The following SPOCK1 variants were observed in gnomAD, a reference collection of about 807,000 sequenced individuals.
The protein encoded by SPOCK1 is SPARC (osteonectin), cwcv and kazal like domains proteoglycan 1, also known as testican-1.
SPOCK1 carries 23 observed loss-of-function variants against 55.3 expected under a neutral mutation model. That is an observed-to-expected ratio of 0.42 (90% confidence interval 0.30 to 0.59). SPOCK1 has a LOEUF of 0.59. Ranked by LOEUF, SPOCK1 falls within the 20% of genes least tolerant of loss-of-function variation. The pLI is 0.22. For missense variants in SPOCK1, 499 were observed against 552.5 expected (o/e 0.90, Z 0.97); for synonymous variants, 226 against 221.0 (o/e 1.02, Z -0.20).
intron 3 of SPOCK1, among the ~76,000 whole-genome samples, chr5:137,236,036 G>T (rs1756173975): frequency 6.6e-6 from 1 of 152,240 alleles, no homozygotes; most frequent in South Asian, 2.1e-4. Context: ...CCCTCCCAGG[G>T]CGGTGGGGCT....
At chr5:137,356,838 T>TATAGAGAGAGAGAGAGAGAG (rs1554077335) in intron 2 of SPOCK1, among the ~76,000 whole-genome samples, 5 of 5,460 alleles carry the variant, frequency 9.2e-4, no homozygotes, top group African/African-American at 2.5e-3. Flanking sequence ...TATATATATA[T>TATAGAGAGAGAGAGAGAGAG]AGAGAGAGAG....
intron 9 of SPOCK1, among the ~76,000 whole-genome samples, chr5:136,980,671 CCT>C (rs936464685): frequency 2.0e-5 from 3 of 152,148 alleles, no homozygotes. Context: ...GTCCATTAAA[CCT>C]CTTTTTCTTT....
intron 6 of SPOCK1, among the ~76,000 whole-genome samples, chr5:137,028,916 G>C (rs1326707994): frequency 6.6e-6 from 1 of 152,148 alleles, no homozygotes; most frequent in Non-Finnish European, 1.5e-5. Context: ...CTCCCAAGGG[G>C]CTGGGACCTC....
chr5:137,133,232 T>C (rs13168814), intron 4 of SPOCK1, among the ~76,000 whole-genome samples: 61,451 of 151,644 alleles, frequency 0.41, 12,730 homozygotes, highest in Middle Eastern at 0.47. Flanking sequence ...TAGCTAGGCA[T>C]GGTGGCATGC....
At chr5:137,188,579 G>T (rs1262756708) in intron 3 of SPOCK1, among the ~76,000 whole-genome samples, 1 of 152,082 alleles carries the variant, frequency 6.6e-6, no homozygotes, top group Non-Finnish European at 1.5e-5. Flanking sequence ...TGTTCTGACT[G>T]GTCCGTTGAC....
chr5:137,492,984 G>A lies in SPOCK1; in HGVS notation c.186+5389C>T, dbSNP rs1754219930. 1.3e-5 allele frequency among the ~76,000 whole-genome samples: 2 copies of A among 152,208 alleles called. 1 individual carries two copies. The highest frequency in any genetic ancestry group is 4.1e-4 in the South Asian group (2 of 4,832). Reference sequence around the variant, plus strand: ...ATTAAAATGGTGCATCTTACCATTGGTGGCATCTCACACCGAATGAAACAT... The same window carrying A: ...ATTAAAATGGTGCATCTTACCATTGATGGCATCTCACACCGAATGAAACAT... On this transcript the variant is annotated intron_variant, in intron 2 of 10. Transcript: ENST00000394945.
intron 6 of SPOCK1, among the ~76,000 whole-genome samples, chr5:137,032,254 C>G (rs900451194): frequency 2.0e-5 from 3 of 152,006 alleles, no homozygotes; most frequent in African/African-American, 7.2e-5. Flanking sequence ...ATAAACATGT[C>G]TCATCCCAGA....
chr5:137,024,984 C>A (rs983041857), intron 6 of SPOCK1, among the ~76,000 whole-genome samples: 5 of 152,052 alleles, frequency 3.3e-5, no homozygotes, highest in Admixed American at 3.3e-4. Flanking sequence ...GGACATTATG[C>A]GAAGGGATGT....
At chr5:137,366,072 G>C (rs1432807868) in intron 2 of SPOCK1, among the ~76,000 whole-genome samples, 3 of 152,172 alleles carry the variant, frequency 2.0e-5, no homozygotes, top group African/African-American at 7.2e-5. Context: ...ACAGGGGACA[G>C]GTTCCCAGAA....
At chr5:137,348,576 CT>C (rs1197571245) in intron 2 of SPOCK1, among the ~76,000 whole-genome samples, 5 of 151,928 alleles carry the variant, frequency 3.3e-5, no homozygotes, top group African/African-American at 4.8e-5. Context: ...ACTTTGATGT[CT>C]TTGTGCCCTG....
intron 5 of SPOCK1, among the ~76,000 whole-genome samples, chr5:137,079,573 C>T (rs893018644): frequency 2.1e-5 from 3 of 144,596 alleles, no homozygotes; most frequent in African/African-American, 7.7e-5. Flanking sequence ...TACCAAAGAT[C>T]CCAAACTAAC....
chr5:137,269,493 G>T (rs1756919663), intron 2 of SPOCK1, among the ~76,000 whole-genome samples: 2 of 152,166 alleles, frequency 1.3e-5, no homozygotes, highest in Admixed American at 1.3e-4. Flanking sequence ...TTGGGGGATG[G>T]TCACTGAGCA....
intron 7 of SPOCK1, 57 bp from the exon 8 acceptor site, chr5:136,988,700 T>C: frequency 6.6e-7 from 1 of 1,516,850 alleles, no homozygotes; most frequent in Non-Finnish European, 8.9e-7. Context: ...TCCTCCCTGC[T>C]CACTCCCCAG....
intron 3 of SPOCK1, among the ~76,000 whole-genome samples, chr5:137,186,317 C>T (rs1429753520): frequency 6.6e-6 from 1 of 152,196 alleles, no homozygotes; most frequent in Non-Finnish European, 1.5e-5. Flanking sequence ...TTTTATGAGC[C>T]ACCCTTCCCT....
At chr5:137,311,027 C>A (rs1404182113) in intron 2 of SPOCK1, among the ~76,000 whole-genome samples, 1 of 152,194 alleles carries the variant, frequency 6.6e-6, no homozygotes, top group Non-Finnish European at 1.5e-5. Context: ...AAGAGCAAAC[C>A]TCCGGAAGGC....
chr5:137,384,857 C>T (rs190026651), intron 2 of SPOCK1, among the ~76,000 whole-genome samples: 106 of 152,172 alleles, frequency 7.0e-4, no homozygotes, highest in African/African-American at 2.5e-3. Context: ...GAAATCATCT[C>T]AAAATTTCCA....
chr5:137,067,689 A>T (rs765022287), intron 6 of SPOCK1, 26 bp downstream of exon 6: 1 of 1,603,788 alleles, frequency 6.2e-7, no homozygotes, highest in Non-Finnish European at 8.5e-7. Flanking sequence ...CTGCCCACGA[A>T]TTCTCTGAAG....
intron 2 of SPOCK1, among the ~76,000 whole-genome samples, chr5:137,375,378 G>A (rs962193333): frequency 1.3e-5 from 2 of 152,160 alleles, no homozygotes; most frequent in Non-Finnish European, 2.9e-5. Flanking sequence ...CAGGCAAAAT[G>A]AACAGTTGGT....
chr5:137,135,894 T>C (rs1481167566), intron 4 of SPOCK1, among the ~76,000 whole-genome samples: 1 of 152,244 alleles, frequency 6.6e-6, no homozygotes. Flanking sequence ...CATCTCTTGT[T>C]GACATTTGGG....
Sources: gnomAD v4.1 joint callset for allele counts (sites outside exome capture counted in the v4.1 genomes callset) on GRCh38, gnomAD v4.1.1 for gene constraint, MANE v1.5 for transcripts, NCBI Gene and HGNC (gene_info 2026-07-23, HGNC 2026-07-21) for gene names.